DYSF: variants seen among roughly 807,000 people sequenced by gnomAD.
DYSF encodes the protein dystrophy-associated fer-1-like 1.
Under a neutral mutation model 274.9 loss-of-function variants are expected in DYSF, and 212 were observed. The observed-to-expected ratio is 0.77, with a 90% CI of 0.69 to 0.86. The LOEUF is 0.86. Ranked by LOEUF, DYSF falls within the 40% of genes least tolerant of loss-of-function variation. The pLI, the probability that DYSF is intolerant of heterozygous loss-of-function variation, is 0.00. For missense variants in DYSF, 2,666 were observed against 2,783.2 expected (o/e 0.96, Z 0.95); for synonymous variants, 1,091 against 1,078.7 (o/e 1.01, Z -0.22).
intron 42 of DYSF, among the ~76,000 whole-genome samples, chr2:71,654,862 T>G (rs893616495): frequency 6.6e-6 from 1 of 152,178 alleles, no homozygotes; most frequent in African/African-American, 2.4e-5. Flanking sequence ...GAGGATTGCT[T>G]GAGTCCAGGA....
chr2:71,513,401 C>T lies in DYSF; in HGVS notation c.553+69C>T. 2.7e-6 allele frequency: 4 copies of T among 1,501,422 alleles called. No individual in the cohort carries two copies. The South Asian group carries it at 3.7e-5, about 14-fold the overall frequency. 93.0% of individuals were successfully genotyped at this position (1,501,422 alleles called of 1,614,324 possible). A position where few individuals can be genotyped will look rare whatever the true frequency, so the allele number is the denominator to read the frequency against. Reference sequence around the variant, plus strand: ...TAACTGTCTCACTAGCTGCCATGGTCAGCTTGCTGGAGCGGGGCCAGGTGG... The same window carrying T: ...TAACTGTCTCACTAGCTGCCATGGTTAGCTTGCTGGAGCGGGGCCAGGTGG... On this transcript the variant is annotated intron_variant, in intron 6 of 55. Coordinates refer to ENST00000410020, the MANE Select transcript of DYSF (RefSeq NM_001130987.2).
chr2:71,506,140 T>C (rs867306677), intron 4 of DYSF, among the ~76,000 whole-genome samples: 6 of 152,236 alleles, frequency 3.9e-5, no homozygotes, highest in Middle Eastern at 3.4e-3. Context: ...TGGGCTGGTC[T>C]GGGTTTTGGT....
rs1159294834 is a variant in DYSF, at chr2:71,582,106, C to CAAAA, written c.3403-7463_3403-7460dup. 5.1e-3 allele frequency among the ~76,000 whole-genome samples: 179 copies of CAAAA among 35,110 alleles called. 20 individuals carry two copies. The highest frequency in any genetic ancestry group is 0.028 in the Middle Eastern group (1 of 36). The allele number at this position is 35,110 out of a possible 152,430, so 23.0% of individuals were successfully genotyped here. A position where few individuals can be genotyped will look rare whatever the true frequency, so the allele number is the denominator to read the frequency against. On this transcript the variant is annotated intron_variant, in intron 30 of 55. Coordinates refer to ENST00000410020, the MANE Select transcript of DYSF (RefSeq NM_001130987.2). ...TGGGAGACAGAAGGAGACTCCGTCT[C>CAAAA]AAAAAAAAAAAAAAAAAAAAAAAAA... is the stretch of plus-strand genomic sequence containing the variant.
intron 19 of DYSF, among the ~76,000 whole-genome samples, chr2:71,552,781 C>A (rs2091041170): frequency 6.6e-6 from 1 of 152,244 alleles, no homozygotes; most frequent in Non-Finnish European, 1.5e-5. Context: ...GGAGGAGTAG[C>A]TCTTATTAGG....
At chr2:71,552,896 C>CAGGAGCT in intron 19 of DYSF, 115 bp from the exon 20 acceptor site, 1 of 1,056,238 alleles carries the variant, frequency 9.5e-7, no homozygotes. Flanking sequence ...TCAGTCCAGC[C>CAGGAGCT]AGGAGCTATT....
Position 71,649,917 on chromosome 2 carries a change from T to C in DYSF, c.4626+5854T>C, listed in dbSNP as rs115111988. On this transcript the variant is annotated intron_variant, in intron 42 of 55. Coordinates refer to ENST00000410020, the MANE Select transcript of DYSF (RefSeq NM_001130987.2). Reference sequence around the variant, plus strand: ...AAAATGTGTGCCAGGCAAATGCAAATTAAATGACAGCAGAAGTCATCATCT... The same window carrying C: ...AAAATGTGTGCCAGGCAAATGCAAACTAAATGACAGCAGAAGTCATCATCT... Among the ~76,000 whole-genome samples, 1,397 of 152,232 alleles carry C rather than the reference T, an allele frequency of 9.2e-3. 16 individuals carry two copies. The highest frequency in any genetic ancestry group is 0.032 in the African/African-American group (1,337 of 41,528).
chr2:71,465,578 T>C (rs1243540416), upstream of DYSF, among the ~76,000 whole-genome samples: 2 of 152,038 alleles, frequency 1.3e-5, no homozygotes, highest in Non-Finnish European at 2.9e-5. Flanking sequence ...GGGGCAGGTG[T>C]GGAGGAGGCG....
intron 17 of DYSF, among the ~76,000 whole-genome samples, chr2:71,543,875 TGGGGAG>T (rs1331063980): frequency 1.0e-5 from 1 of 96,374 alleles, no homozygotes; most frequent in Non-Finnish European, 2.0e-5. Flanking sequence ...AGGGAGACCG[TGGGGAG>T]AGGGAGAGGG....
At chr2:71,593,989 T>C (rs1262865565) in intron 32 of DYSF, among the ~76,000 whole-genome samples, 2 of 152,106 alleles carry the variant, frequency 1.3e-5, no homozygotes, top group African/African-American at 4.8e-5. Context: ...CTCAAGAAAG[T>C]AGAAGGTCCT....
chr2:71,464,567 A>G (rs1258627130), upstream of DYSF, among the ~76,000 whole-genome samples: 1 of 152,116 alleles, frequency 6.6e-6, no homozygotes, highest in Non-Finnish European at 1.5e-5. Flanking sequence ...CTGTCTGGGG[A>G]ACAGCTGGAA....
At chr2:71,539,898 A>C (rs1055813706) in intron 17 of DYSF, among the ~76,000 whole-genome samples, 4 of 152,230 alleles carry the variant, frequency 2.6e-5, no homozygotes, top group Non-Finnish European at 5.9e-5. Flanking sequence ...ATACAATTTT[A>C]AGTGAATACA....
chr2:71,559,115 G>A (rs1296650005), intron 22 of DYSF, among the ~76,000 whole-genome samples: 4 of 152,106 alleles, frequency 2.6e-5, no homozygotes, highest in Non-Finnish European at 4.4e-5. Flanking sequence ...CTTCCCCAGG[G>A]CTGGTGGTGT....
At chr2:71,675,092 C>T (rs918466728) in intron 52 of DYSF, among the ~76,000 whole-genome samples, 3 of 151,878 alleles carry the variant, frequency 2.0e-5, no homozygotes, top group Non-Finnish European at 4.4e-5. Flanking sequence ...TATGAAATGT[C>T]CATAATAGGC....
At chr2:71,605,416 A>G (rs901860871) in intron 36 of DYSF, among the ~76,000 whole-genome samples, 2 of 152,236 alleles carry the variant, frequency 1.3e-5, no homozygotes, top group African/African-American at 4.8e-5. Context: ...ACATGCACGC[A>G]CACACAGCAG....
In DYSF at chr2:71,611,531, G is replaced by A. The variant is rs760627822; in HGVS notation, c.4126G>A (p.Val1376Met). The change falls in exon 38 of 56, where the codon GTG becomes ATG. Residue 1376 changes from valine (V) to methionine (M), a missense_variant. Transcript: ENST00000410020. ...GGCCAACATCTCCTCCCCCAGCCTC[G>A]TGGTAGAGTGTGGGGGCCAGACGGT... ...QLANISSPSL[V>M]VECGGQTVQS... The A allele has an allele frequency of 1.8e-5, 29 of 1,614,052 alleles. No individual in the cohort carries two copies. In the African/African-American group the frequency reaches 2.7e-4, roughly 15 times the overall value.
At chr2:71,666,698 G>T (rs914871150) in intron 47 of DYSF, among the ~76,000 whole-genome samples, 1 of 152,202 alleles carries the variant, frequency 6.6e-6, no homozygotes, top group African/African-American at 2.4e-5. Context: ...CGCACCTGGG[G>T]ACAGGCACCT....
At chr2:71,521,788 C>A (rs752333596) in intron 12 of DYSF, among the ~76,000 whole-genome samples, 1 of 152,114 alleles carries the variant, frequency 6.6e-6, no homozygotes, top group Non-Finnish European at 1.5e-5. Context: ...GTGCTGTCCG[C>A]CTCTTCCTTT....
In DYSF at chr2:71,667,479, G is replaced by C. The variant is rs1379550901; in HGVS notation, c.5421G>C (p.Arg1807=). 6.2e-7 allele frequency: 1 copy of C among 1,614,154 alleles called. No individual in the cohort carries two copies. The highest frequency in any genetic ancestry group is 1.7e-5 in the Admixed American group (1 of 60,026). The change falls in exon 48 of 56, where the codon CGG becomes CGC. Residue 1807 remains arginine, a synonymous_variant. Transcript: ENST00000410020. ...QGLVPEHVES[R]PLYSPLQPDI... is the part of the protein sequence containing the mutation. Reference sequence around the variant, plus strand: ...TGGTCCCGGAGCACGTGGAGTCACGGCCCCTCTACAGCCCCCTGCAGCCAG... The same window carrying C: ...TGGTCCCGGAGCACGTGGAGTCACGCCCCCTCTACAGCCCCCTGCAGCCAG...
At chr2:71,541,509 G>GT (rs36115752) in intron 17 of DYSF, among the ~76,000 whole-genome samples, 99,719 of 150,982 alleles carry the variant, frequency 0.66, 33,704 homozygotes, top group Middle Eastern at 0.76. Context: ...ATGTATTTGA[G>GT]TTTTTTTTTC....
Sources: allele counts gnomAD v4.1 joint callset (sites outside exome capture counted in the v4.1 genomes callset), GRCh38; gene constraint gnomAD v4.1.1; transcripts MANE v1.5; gene names NCBI Gene and HGNC (gene_info 2026-07-23, HGNC 2026-07-21).